Variants in TRIM5 observed in about 807,000 individuals in gnomAD.
TRIM5 encodes tripartite motif-containing protein 5.
In TRIM5, 31 loss-of-function variants were observed where a neutral mutation model predicts 35.6. The ratio of observed to expected loss-of-function variants is 0.87; its 90% CI spans 0.65 to 1.18. The LOEUF (loss-of-function observed/expected upper bound fraction) is 1.18. TRIM5 is among the 50% of genes most tolerant of loss of function. The pLI is 0.00. For missense variants in TRIM5, 609 were observed against 591.6 expected, an observed-to-expected ratio of 1.03 and a Z score of -0.31; for synonymous variants, 243 against 215.6, an observed-to-expected ratio of 1.13 and a Z score of -1.11.
the TRIM5 span, chr11:5,603,452 T>C: frequency 1.2e-6 from 2 of 1,613,702 alleles, no homozygotes; most frequent in Non-Finnish European, 1.7e-6. Flanking sequence ...AGGGAATCAG[T>C]GATTGGTCAA....
the TRIM5 span, among the ~76,000 whole-genome samples, chr11:5,653,470 T>G: frequency 6.6e-6 from 1 of 152,014 alleles, no homozygotes; most frequent in Non-Finnish European, 1.5e-5. Flanking sequence ...GCAAACTGTT[T>G]TTTCCGATTT....
rs115506151 is a variant in TRIM5 at position 5,672,896 on chromosome 11, A to T, written c.745-5185T>A. Among the ~76,000 whole-genome samples, 1,347 of 152,322 alleles carry T rather than the reference A, an allele frequency of 8.8e-3. 24 individuals carry two copies. Among genetic ancestry groups the T allele is most frequent in the African/African-American group, 0.03 (1,257 of 41,576 alleles). On this transcript the variant is annotated intron_variant, in intron 4 of 7. Coordinates refer to ENST00000380034, the MANE Select transcript of TRIM5 (RefSeq NM_033034.3). ...ACAAGATGCATATTGTAATCATTAG[A>T]GCAAGCACTAGGAAGAGTACTAATG... is the stretch of plus-strand genomic sequence containing the variant.
chr11:5,621,009 C>A, the TRIM5 span, among the ~76,000 whole-genome samples: 3 of 152,132 alleles, frequency 2.0e-5, no homozygotes, highest in African/African-American at 7.2e-5. Context: ...ATCTTGGTGA[C>A]CTTTGGTGGG....
the TRIM5 span, among the ~76,000 whole-genome samples, chr11:5,629,103 C>G: frequency 6.6e-6 from 1 of 152,024 alleles, no homozygotes; most frequent in Non-Finnish European, 1.5e-5. Flanking sequence ...ATGGTGAAAC[C>G]CCGTCTCTAC....
At chr11:5,643,574 C>A in the TRIM5 span, 1 of 1,614,170 alleles carries the variant, frequency 6.2e-7, no homozygotes, top group Non-Finnish European at 8.5e-7. Context: ...CAGGCATTGT[C>A]TCATTTTTCA....
At chr11:5,615,686 TGG>T in the TRIM5 span, among the ~76,000 whole-genome samples, 2 of 151,348 alleles carry the variant, frequency 1.3e-5, no homozygotes, top group Admixed American at 6.6e-5. Flanking sequence ...CTCTGCCTCC[TGG>T]GTTTAAGTGA....
chr11:5,615,741 C>A, the TRIM5 span, among the ~76,000 whole-genome samples: 1 of 151,444 alleles, frequency 6.6e-6, no homozygotes, highest in Non-Finnish European at 1.5e-5. Flanking sequence ...TTACAGGCAC[C>A]TGCCACCACG....
intron 1 of TRIM5, among the ~76,000 whole-genome samples, chr11:5,682,764 T>C (rs1420693588): frequency 3.3e-5 from 5 of 152,218 alleles, no homozygotes; most frequent in East Asian, 1.9e-4. Flanking sequence ...CTGGGTTGTA[T>C]TGAGAGGTGA....
chr11:5,589,923 G>C, the TRIM5 span: 1 of 153,872 alleles, frequency 6.5e-6, no homozygotes, highest in Non-Finnish European at 1.4e-5. Flanking sequence ...GCGCTTGCGG[G>C]CCAGCTGGAG....
At chr11:5,589,593 T>C in the TRIM5 span, 1 of 151,860 alleles carries the variant, frequency 6.6e-6, no homozygotes, top group Non-Finnish European at 1.5e-5. Flanking sequence ...TCATTTTATA[T>C]GTCCATAAAC....
the TRIM5 span, among the ~76,000 whole-genome samples, chr11:5,628,613 T>C: frequency 6.6e-6 from 1 of 152,214 alleles, no homozygotes; most frequent in Non-Finnish European, 1.5e-5. Flanking sequence ...CCCCATCCTT[T>C]TGCCAAGCGT....
the TRIM5 span, among the ~76,000 whole-genome samples, chr11:5,653,285 A>C: frequency 6.6e-6 from 1 of 152,020 alleles, no homozygotes; most frequent in African/African-American, 2.4e-5. Context: ...GATAGTTTGA[A>C]TCTAATGTGC....
chr11:5,654,522 C>T, the TRIM5 span, among the ~76,000 whole-genome samples: 3 of 152,134 alleles, frequency 2.0e-5, no homozygotes, highest in African/African-American at 4.8e-5. Context: ...TTCCTTGTGA[C>T]CCTGGGGAGC....
At chr11:5,646,484 C>T in the TRIM5 span, among the ~76,000 whole-genome samples, 1 of 152,170 alleles carries the variant, frequency 6.6e-6, no homozygotes, top group East Asian at 1.9e-4. Context: ...TCTTCCCTGT[C>T]TAGCACCTGC....
At chr11:5,595,762 G>A in the TRIM5 span, among the ~76,000 whole-genome samples, 2 of 150,402 alleles carry the variant, frequency 1.3e-5, no homozygotes, top group Non-Finnish European at 3.0e-5. Flanking sequence ...CTGTCTCCAG[G>A]CTGGAGTGCA....
the TRIM5 span, among the ~76,000 whole-genome samples, chr11:5,600,898 A>C: frequency 1.3e-5 from 2 of 152,142 alleles, no homozygotes; most frequent in Non-Finnish European, 2.9e-5. Flanking sequence ...AGCAGAACAA[A>C]TGGCTCCCAG....
At chr11:5,639,265 T>C in the TRIM5 span, among the ~76,000 whole-genome samples, 1 of 152,162 alleles carries the variant, frequency 6.6e-6, no homozygotes, top group Admixed American at 6.5e-5. Flanking sequence ...TAAGGGAAAC[T>C]GATTGTTCTG....
chr11:5,632,724 C>A, the TRIM5 span: 1 of 1,609,452 alleles, frequency 6.2e-7, no homozygotes, highest in Non-Finnish European at 8.5e-7. Context: ...ACCACACAGT[C>A]CTCACGGAGG....
intron 5 of TRIM5, among the ~76,000 whole-genome samples, chr11:5,666,875 G>A (rs1057051161): frequency 5.3e-5 from 8 of 152,042 alleles, no homozygotes; most frequent in East Asian, 1.9e-4. Context: ...ATATTATTCC[G>A]GAAATAAACA....
Sources: gnomAD v4.1 joint callset for allele counts (sites outside exome capture counted in the v4.1 genomes callset) on GRCh38, gnomAD v4.1.1 for gene constraint, MANE v1.5 for transcripts, NCBI Gene and HGNC (gene_info 2026-07-23, HGNC 2026-07-21) for gene names.